The following HGD variants were observed in gnomAD, a reference collection of about 807,000 sequenced individuals.
The protein encoded by HGD is homogentisate oxidase.
A neutral mutation model predicts 60.8 loss-of-function variants in HGD; 61 were observed. The ratio of observed to expected loss-of-function variants is 1.00; its 90% CI spans 0.82 to 1.24. The LOEUF (loss-of-function observed/expected upper bound fraction) is 1.24. Ranked by LOEUF, HGD falls within the 50% of genes most tolerant of loss-of-function variation. HGD has a pLI of 0.00. For missense variants in HGD, 542 were observed against 547.1 expected (o/e 0.99, Z 0.09); for synonymous variants, 212 against 187.7 (o/e 1.13, Z -1.06).
chr3:120,675,058 C>T lies in HGD; in HGVS notation c.88-69G>A. 2.0e-6 allele frequency: 2 copies of T among 1,023,444 alleles called. 1 individual carries two copies. The highest frequency in any genetic ancestry group is 2.5e-5 in the South Asian group (2 of 79,010). 63.4% of individuals were successfully genotyped at this position (1,023,444 alleles called of 1,614,324 possible). The stretch of plus-strand genomic sequence containing the variant: ...AGCATCCCACCTTCCCACCAACCAA[C>T]TCAGTAGGGGGATGGGGATGCTCTG... On this transcript the variant is annotated intron_variant, in intron 2 of 13. Coordinates refer to ENST00000283871, the MANE Select transcript of HGD (RefSeq NM_000187.4).
chr3:120,631,266 A>G (rs1940583950), intron 13 of HGD, among the ~76,000 whole-genome samples: 1 of 152,206 alleles, frequency 6.6e-6, no homozygotes, highest in Non-Finnish European at 1.5e-5. Context: ...AAAGAAAAAA[A>G]ATGAATAAGA....
intron 4 of HGD, 156 bp downstream of exon 4, chr3:120,670,271 C>A: frequency 1.5e-6 from 1 of 669,020 alleles, no homozygotes; most frequent in Non-Finnish European, 2.7e-6. Context: ...TAATACACCA[C>A]CCAAGTTTGA....
chr3:120,667,659 T>A (rs898626933), intron 4 of HGD, among the ~76,000 whole-genome samples: 1 of 152,070 alleles, frequency 6.6e-6, no homozygotes, highest in African/African-American at 2.4e-5. Flanking sequence ...TCTATGAAGA[T>A]TTATTAAGGT....
At chr3:120,635,455 A>G (rs986245479) in intron 12 of HGD, among the ~76,000 whole-genome samples, 2 of 130,352 alleles carry the variant, frequency 1.5e-5, no homozygotes, top group Non-Finnish European at 3.1e-5. Context: ...CCAGCCTGGG[A>G]GACAGAGTGA....
intron 4 of HGD, among the ~76,000 whole-genome samples, chr3:120,663,942 T>G (rs201938770): frequency 1.4e-3 from 20 of 14,158 alleles, no homozygotes; most frequent in African/African-American, 2.2e-3. Flanking sequence ...ATGTAACTGA[T>G]TTTTTTTTTA....
At chr3:120,669,864 T>A (rs906940777) in intron 4 of HGD, among the ~76,000 whole-genome samples, 1 of 152,216 alleles carries the variant, frequency 6.6e-6, no homozygotes, top group Non-Finnish European at 1.5e-5. Context: ...TTTAACAATA[T>A]GTATATACAT....
At chr3:120,634,334 A>G (rs1464226925) in intron 12 of HGD, among the ~76,000 whole-genome samples, 2 of 152,200 alleles carry the variant, frequency 1.3e-5, no homozygotes, top group Non-Finnish European at 2.9e-5. Context: ...TTATGCTTCT[A>G]TTGAAATAAA....
chr3:120,664,560 TGGGACTACC>T (rs369398476), intron 4 of HGD, among the ~76,000 whole-genome samples: 7 of 151,716 alleles, frequency 4.6e-5, no homozygotes, highest in African/African-American at 1.7e-4. Flanking sequence ...CCTGAGTGCC[TGGGACTACC>T]GGTGCTTGCC....
chr3:120,632,151 C>T (rs113798262), intron 13 of HGD, among the ~76,000 whole-genome samples: 1 of 152,138 alleles, frequency 6.6e-6, no homozygotes, highest in African/African-American at 2.4e-5. Flanking sequence ...GAACACCCTC[C>T]TTTTGCAAAG....
Position 120,673,158 on chromosome 3 carries a change from C to A in HGD, c.176+1743G>T, listed in dbSNP as rs571446217. Among the ~76,000 whole-genome samples, 44 of 152,220 alleles carry A rather than the reference C, an allele frequency of 2.9e-4. 1 individual carries two copies. The South Asian group carries it at 8.9e-3, about 31-fold the overall frequency. On this transcript the variant is annotated intron_variant, in intron 3 of 13. Transcript: ENST00000283871. ...TTGTGGATATCTTTGGAGAGTTCTTCTAAATAGATGGGTGAGCCATACCTA... is the reference window on the plus strand; with the variant it reads ...TTGTGGATATCTTTGGAGAGTTCTTATAAATAGATGGGTGAGCCATACCTA...
At chr3:120,670,163 G>A (rs572440954) in intron 4 of HGD, 4 of 482,834 alleles carry the variant, frequency 8.3e-6, no homozygotes, top group Non-Finnish European at 1.5e-5. Context: ...AGTTTCTTGA[G>A]GCCTCCTCAG....
intron 13 of HGD, among the ~76,000 whole-genome samples, chr3:120,630,825 T>TATATATATATACAC (rs1491569082): frequency 1.2e-4 from 12 of 104,114 alleles, no homozygotes; most frequent in African/African-American, 1.9e-4. Context: ...TATATATATA[T>TATATATATATACAC]ACACATACAC....
intron 13 of HGD, 133 bp from the exon 14 acceptor site, chr3:120,628,662 G>A: frequency 9.4e-7 from 1 of 1,067,214 alleles, no homozygotes; most frequent in Non-Finnish European, 1.4e-6. Context: ...TGCTAGAGTG[G>A]TGAGGAGAGC....
At chr3:120,644,297 C>T (rs767000555) in intron 10 of HGD, 22 bp downstream of exon 10, 2 of 1,613,558 alleles carry the variant, frequency 1.2e-6, no homozygotes, top group Non-Finnish European at 1.7e-6. Context: ...TCCTCCCTTG[C>T]CTGCCAACCC....
At chr3:120,633,022 G>T in intron 13 of HGD, 125 bp downstream of exon 13, 1 of 790,328 alleles carries the variant, frequency 1.3e-6, no homozygotes, top group Non-Finnish European at 2.1e-6. Flanking sequence ...ACATACTTAT[G>T]CAGTCATTAA....
intron 6 of HGD, among the ~76,000 whole-genome samples, chr3:120,649,216 C>G (rs1941259369): frequency 7.1e-6 from 1 of 141,292 alleles, no homozygotes. Context: ...GATCTCGGTT[C>G]ACTGCAACCT....
In HGD at chr3:120,638,471, C is replaced by G. The variant is rs120074171; in HGVS notation, c.990G>C (p.Arg330Ser). 3.7e-6 allele frequency: 6 copies of G among 1,613,654 alleles called. No homozygotes were observed. Among genetic ancestry groups the G allele is most frequent in the African/African-American group, 1.3e-5 (1 of 74,826 alleles). ...PRWGVADKTF[R>S]PPYYHRNCMS... ...GAGACTTACTATGGTAATAAGGAGG[C>G]CTGAAGGTCTTATCAGCAACCCCCC... is the stretch of plus-strand genomic sequence containing the variant. Residue 330 changes from arginine (R) to serine (S), a missense_variant, in exon 12 of 14, where the codon AGG becomes AGC. Arg to Ser is a moderately radical substitution (Grantham distance 110). Transcript: ENST00000283871.
Position 120,652,631 on chromosome 3 carries a change from C to G in HGD, c.303G>C (p.Glu101Asp). 1 of 1,613,266 alleles carries G rather than the reference C, an allele frequency of 6.2e-7. No individual in the cohort carries two copies. The highest frequency in any genetic ancestry group is 8.5e-7 in the Non-Finnish European group (1 of 1,179,436). Residue 101 changes from glutamate (E) to aspartate (D), a missense_variant, in exon 5 of 14, where the codon GAG (glutamate) becomes GAC (aspartate). Glu to Asp is a conservative substitution (Grantham distance 45). This residue lies in a region of HGD where 537 missense variants were observed against 529.1 expected (regional missense o/e 1.01). Transcript: ENST00000283871. ...CTTTCTTCTGAGATGCTTTTGGAAT[C>G]TCAAATGGTTTCCATCTAAGCTGGA... The part of the protein sequence containing the change: ...DPNQLRWKPF[E>D]IPKASQKKVD...
At chr3:120,658,140 C>A (rs563833373) in intron 4 of HGD, among the ~76,000 whole-genome samples, 15 of 152,244 alleles carry the variant, frequency 9.9e-5, no homozygotes, top group African/African-American at 3.6e-4. Context: ...CCATGCCTTC[C>A]CAGCAGTGCC....
Sources: allele counts gnomAD v4.1 joint callset (sites outside exome capture counted in the v4.1 genomes callset), GRCh38; gene constraint gnomAD v4.1.1; regional missense constraint gnomAD v4.1.1; transcripts MANE v1.5; gene names NCBI Gene and HGNC (gene_info 2026-07-23, HGNC 2026-07-21).